Variants in PACRG observed in about 807,000 individuals in gnomAD.
PACRG encodes parkin coregulated.
PACRG carries 29 observed loss-of-function variants against 29.7 expected under a neutral mutation model. The observed-to-expected ratio is 0.98, with a 90% CI of 0.73 to 1.33. The LOEUF is 1.33. Among genes scored for constraint, PACRG ranks in the 40% most tolerant of loss-of-function variants. The pLI is 0.00. For synonymous variants in PACRG, 116 were observed against 118.7 expected (o/e 0.98, Z 0.15); for missense variants, 279 against 316.2 (o/e 0.88, Z 0.89).
chr6:163,266,053 T>A (rs1783519729), intron 4 of PACRG, among the ~76,000 whole-genome samples: 1 of 152,192 alleles, frequency 6.6e-6, no homozygotes. Flanking sequence ...AAAAAGTCAT[T>A]TGTGTTTAAT....
At chr6:163,054,279 A>T (rs1810327707) in intron 2 of PACRG, 1 of 152,234 alleles carries the variant, frequency 6.6e-6, no homozygotes, top group African/African-American at 2.4e-5. Context: ...CTTTATAAGA[A>T]GAGAAAGACC....
At chr6:162,753,690 T>C (rs1781687240) in intron 1 of PACRG, among the ~76,000 whole-genome samples, 1 of 152,098 alleles carries the variant, frequency 6.6e-6, no homozygotes, top group South Asian at 2.1e-4. Context: ...GTGAGTGAGT[T>C]CTCATGAGAT....
chr6:162,784,351 T>C (rs935442972), intron 1 of PACRG, among the ~76,000 whole-genome samples: 9 of 152,180 alleles, frequency 5.9e-5, no homozygotes, highest in African/African-American at 2.2e-4. Context: ...TCATCTTATC[T>C]TAATTTCTCG....
At chr6:162,879,934 G>C (rs1238804869) in intron 2 of PACRG, among the ~76,000 whole-genome samples, 2 of 152,232 alleles carry the variant, frequency 1.3e-5, no homozygotes, top group Non-Finnish European at 2.9e-5. Context: ...GAATGTGTGA[G>C]GGGATATATT....
At chr6:163,214,049 T>C (rs1018044468) in intron 4 of PACRG, among the ~76,000 whole-genome samples, 1 of 152,144 alleles carries the variant, frequency 6.6e-6, no homozygotes, top group African/African-American at 2.4e-5. Context: ...CTATTTCTTC[T>C]CCAGGGCCAA....
intron 1 of PACRG, among the ~76,000 whole-genome samples, chr6:162,811,190 A>AGTTTTGG (rs1235393315): frequency 1.3e-5 from 2 of 152,190 alleles, no homozygotes; most frequent in Non-Finnish European, 2.9e-5. Flanking sequence ...ACATCCAGTT[A>AGTTTTGG]AAATGTAGTT....
intron 4 of PACRG, among the ~76,000 whole-genome samples, chr6:163,203,049 C>T (rs918742421): frequency 2.0e-5 from 3 of 152,144 alleles, no homozygotes; most frequent in African/African-American, 7.2e-5. Flanking sequence ...GGAATAGGTA[C>T]ATCGGGCCGT....
chr6:163,241,993 T>A (rs1284382403), intron 4 of PACRG, among the ~76,000 whole-genome samples: 1 of 152,198 alleles, frequency 6.6e-6, no homozygotes, highest in Non-Finnish European at 1.5e-5. Context: ...TGTCACTGCC[T>A]AATTGCTTTT....
At chr6:162,903,575 A>C (rs1272604762) in intron 2 of PACRG, among the ~76,000 whole-genome samples, 4 of 152,158 alleles carry the variant, frequency 2.6e-5, no homozygotes, top group Non-Finnish European at 4.4e-5. Flanking sequence ...AGATCTCATG[A>C]GACTGATTCA....
chr6:162,834,217 G>A (rs1052134604), intron 2 of PACRG, among the ~76,000 whole-genome samples: 26 of 151,988 alleles, frequency 1.7e-4, no homozygotes, highest in African/African-American at 5.6e-4. Context: ...TACTTGGAAT[G>A]TTTAGCAGCC....
At chr6:162,968,212 C>A (rs1215943143) in intron 2 of PACRG, among the ~76,000 whole-genome samples, 3 of 152,172 alleles carry the variant, frequency 2.0e-5, no homozygotes, top group Admixed American at 2.0e-4. Flanking sequence ...TAAATTGGGT[C>A]TCTATCACTA....
intron 4 of PACRG, among the ~76,000 whole-genome samples, chr6:163,092,310 G>A (rs1314673767): frequency 7.2e-6 from 1 of 139,242 alleles, no homozygotes; most frequent in Non-Finnish European, 1.6e-5. Context: ...AGTGGCCCAT[G>A]TGAGGAGCCC....
chr6:163,180,578 G>T (rs1034852690), intron 4 of PACRG, among the ~76,000 whole-genome samples: 9 of 152,052 alleles, frequency 5.9e-5, no homozygotes, highest in Admixed American at 5.9e-4. Flanking sequence ...AGTGAGCTAT[G>T]ATTACGCCAC....
At chr6:163,066,634 T>C (rs954506346) in intron 3 of PACRG, among the ~76,000 whole-genome samples, 1 of 152,098 alleles carries the variant, frequency 6.6e-6, no homozygotes. Flanking sequence ...AGTCTGTCTA[T>C]TAAAAGGACA....
At chr6:162,769,614 T>A (rs984358386) in intron 1 of PACRG, among the ~76,000 whole-genome samples, 5 of 152,072 alleles carry the variant, frequency 3.3e-5, no homozygotes, top group Admixed American at 6.6e-5. Flanking sequence ...GTAAGAAGAA[T>A]GTCTCTGTAT....
At chr6:162,727,330 G>T (rs1348704287), upstream of PACRG, 2 of 378,912 alleles carry the variant, frequency 5.3e-6, no homozygotes, top group Non-Finnish European at 9.5e-6. Flanking sequence ...AGGGGCGGCG[G>T]CGGGGAGAAG....
intron 2 of PACRG, among the ~76,000 whole-genome samples, chr6:163,022,669 T>C (rs1806745416): frequency 1.3e-5 from 2 of 152,244 alleles, no homozygotes; most frequent in Admixed American, 1.3e-4. Flanking sequence ...AAATTAACTG[T>C]AGCACTGAAC....
intron 2 of PACRG, among the ~76,000 whole-genome samples, chr6:162,919,757 A>G (rs373401964): frequency 1.3e-5 from 2 of 152,240 alleles, no homozygotes; most frequent in African/African-American, 2.4e-5. Flanking sequence ...AACCTCATGT[A>G]TATGTATTAC....
chr6:163,244,152 A>G (rs1782607598), intron 4 of PACRG, among the ~76,000 whole-genome samples: 2 of 152,356 alleles, frequency 1.3e-5, no homozygotes, highest in South Asian at 4.1e-4. Context: ...CCTAATCTGG[A>G]ATATAGTCTC....
Sources: allele counts gnomAD v4.1 joint callset (sites outside exome capture counted in the v4.1 genomes callset), GRCh38; gene constraint gnomAD v4.1.1; transcripts MANE v1.5; gene names NCBI Gene and HGNC (gene_info 2026-07-23, HGNC 2026-07-21).